Variants in FGF14 observed in about 807,000 individuals in gnomAD.
FGF14 encodes fibroblast growth factor 14.
In FGF14, 5 loss-of-function variants were observed where a neutral mutation model predicts 25.5. The ratio of observed to expected loss-of-function variants is 0.20; its 90% CI spans 0.10 to 0.41. The LOEUF is 0.41. Ranked by LOEUF, FGF14 falls within the 10% of genes least tolerant of loss-of-function variation. The pLI is 1.00. For synonymous variants in FGF14, 138 were observed against 118.3 expected (o/e 1.17, Z -1.08); for missense variants, 222 against 320.1 (o/e 0.69, Z 2.34).
intron 1 of FGF14, among the ~76,000 whole-genome samples, chr13:102,386,133 A>ATT (rs771550582): frequency 3.6e-5 from 5 of 139,342 alleles, no homozygotes; most frequent in African/African-American, 5.3e-5. Context: ...ATATACAGTA[A>ATT]TTTTTTTTTT....
At chr13:102,253,553 A>T (rs1288070147) in intron 1 of FGF14, among the ~76,000 whole-genome samples, 1 of 151,996 alleles carries the variant, frequency 6.6e-6, no homozygotes, top group African/African-American at 2.4e-5. Flanking sequence ...TTCTTTGTAG[A>T]TTCTGGATAT....
intron 3 of FGF14, among the ~76,000 whole-genome samples, chr13:101,779,970 C>T (rs539561240): frequency 7.2e-5 from 11 of 152,180 alleles, no homozygotes; most frequent in Non-Finnish European, 1.3e-4. Context: ...AACCTCCCTT[C>T]TCTGTGGTTC....
chr13:102,360,393 C>A (rs1397047996), intron 1 of FGF14, among the ~76,000 whole-genome samples: 1 of 152,084 alleles, frequency 6.6e-6, no homozygotes, highest in Non-Finnish European at 1.5e-5. Flanking sequence ...TAAACCCAAG[C>A]ATGTTGATCT....
chr13:102,035,589 T>C (rs1007297466), intron 1 of FGF14, among the ~76,000 whole-genome samples: 2 of 152,186 alleles, frequency 1.3e-5, no homozygotes, highest in Admixed American at 1.3e-4. Flanking sequence ...TTCAAATGCA[T>C]TGCATTGCTA....
At chr13:101,904,763 A>G (rs1419065869) in intron 1 of FGF14, among the ~76,000 whole-genome samples, 1 of 152,240 alleles carries the variant, frequency 6.6e-6, no homozygotes, top group African/African-American at 2.4e-5. Context: ...AGTAAAAATG[A>G]TAACATTTAT....
intron 1 of FGF14, among the ~76,000 whole-genome samples, chr13:102,028,999 C>A (rs2139921041): frequency 6.6e-6 from 1 of 152,124 alleles, no homozygotes; most frequent in African/African-American, 2.4e-5. Context: ...ATTCTCTGGG[C>A]ATGCTAGGAA....
At chr13:102,171,186 G>A (rs994576099) in intron 1 of FGF14, among the ~76,000 whole-genome samples, 7 of 152,096 alleles carry the variant, frequency 4.6e-5, no homozygotes, top group African/African-American at 1.4e-4. Context: ...CGTATTGATC[G>A]ATCCCGCATT....
chr13:101,770,055 G>T (rs1031637300), intron 3 of FGF14, among the ~76,000 whole-genome samples: 2 of 152,082 alleles, frequency 1.3e-5, no homozygotes, highest in African/African-American at 4.8e-5. Flanking sequence ...GCATGTGGGG[G>T]CAAGGGGCAT....
intron 1 of FGF14, among the ~76,000 whole-genome samples, chr13:102,291,233 T>A (rs2141263780): frequency 6.6e-6 from 1 of 152,338 alleles, no homozygotes; most frequent in Admixed American, 6.5e-5. Context: ...ATAAATTATC[T>A]ACATTCCTTC....
At chr13:102,157,194 T>C (rs778643337) in intron 1 of FGF14, among the ~76,000 whole-genome samples, 3 of 152,062 alleles carry the variant, frequency 2.0e-5, no homozygotes, top group African/African-American at 4.8e-5. Context: ...GAGCCCACAT[T>C]TCCAAGTCAA....
intron 1 of FGF14, among the ~76,000 whole-genome samples, chr13:101,976,115 G>A (rs1330718187): frequency 2.7e-5 from 3 of 110,978 alleles, no homozygotes; most frequent in Non-Finnish European, 5.6e-5. Context: ...ATATGTCATT[G>A]ATTTTTTTTT....
At chr13:102,036,119 T>C (rs901514530) in intron 1 of FGF14, among the ~76,000 whole-genome samples, 1 of 152,126 alleles carries the variant, frequency 6.6e-6, no homozygotes, top group African/African-American at 2.4e-5. Context: ...ACAGGAAATG[T>C]GTTTTCACAA....
chr13:101,732,180 G>T (rs1300114824), intron 3 of FGF14, among the ~76,000 whole-genome samples: 1 of 152,132 alleles, frequency 6.6e-6, no homozygotes, highest in Non-Finnish European at 1.5e-5. Context: ...ACGAGCCCAG[G>T]CTTCCACTAG....
chr13:101,927,546 G>A (rs1046945104), intron 1 of FGF14, among the ~76,000 whole-genome samples: 1 of 152,192 alleles, frequency 6.6e-6, no homozygotes, highest in African/African-American at 2.4e-5. Flanking sequence ...TTACATATTT[G>A]TACTGTACAA....
At chr13:102,167,183 C>T (rs572175826) in intron 1 of FGF14, among the ~76,000 whole-genome samples, 1 of 151,594 alleles carries the variant, frequency 6.6e-6, no homozygotes, top group East Asian at 2.0e-4. Flanking sequence ...TGTAAAAATA[C>T]AAAAATTTGC....
chr13:102,382,080 T>A (rs2139179425), intron 1 of FGF14, among the ~76,000 whole-genome samples: 1 of 152,274 alleles, frequency 6.6e-6, no homozygotes. Flanking sequence ...GGTTAGGAGA[T>A]CATTTCTTAG....
intron 3 of FGF14, among the ~76,000 whole-genome samples, chr13:101,735,409 A>G (rs1594073279): frequency 6.6e-6 from 1 of 152,172 alleles, no homozygotes; most frequent in Non-Finnish European, 1.5e-5. Flanking sequence ...GCAGTAAGGA[A>G]TTATATAGCC....
At chr13:102,074,109 T>C (rs9554839) in intron 1 of FGF14, among the ~76,000 whole-genome samples, 60,672 of 152,008 alleles carry the variant, frequency 0.4, 12,972 homozygotes, top group East Asian at 0.7. Context: ...CCTCCTGGGC[T>C]TGAGCATTCC....
At chr13:102,179,842 C>T (rs1317663478) in intron 1 of FGF14, among the ~76,000 whole-genome samples, 2 of 152,110 alleles carry the variant, frequency 1.3e-5, no homozygotes, top group African/African-American at 4.8e-5. Flanking sequence ...AATAGGATTA[C>T]GTGGACCCTA....
Sources: allele counts gnomAD v4.1 joint callset (sites outside exome capture counted in the v4.1 genomes callset), GRCh38; gene constraint gnomAD v4.1.1; transcripts MANE v1.5; gene names NCBI Gene and HGNC (gene_info 2026-07-23, HGNC 2026-07-21).